Variants in SENP7 observed in about 807,000 individuals in gnomAD.
SENP7 encodes the protein sentrin-specific protease 7.
A neutral mutation model predicts 141.2 loss-of-function variants in SENP7; 64 were observed. The observed-to-expected ratio is 0.45, with a 90% CI of 0.37 to 0.56. The LOEUF (loss-of-function observed/expected upper bound fraction) is 0.56. SENP7 is among the 20% of genes least tolerant of loss of function. SENP7 has a pLI of 0.00. For synonymous variants in SENP7, 382 were observed against 426.4 expected, an observed-to-expected ratio of 0.90 and a Z score of 1.28; for missense variants, 1,025 against 1,212.2, an observed-to-expected ratio of 0.85 and a Z score of 2.29.
chr3:101,394,585 C>A (rs1374243453), intron 6 of SENP7, among the ~76,000 whole-genome samples: 1 of 151,864 alleles, frequency 6.6e-6, no homozygotes, highest in East Asian at 1.9e-4. Flanking sequence ...CAATCTCGGC[C>A]CACTGTAAGC....
rs146811113 is a variant in SENP7, at chr3:101,337,470, T to C, written c.2480+39A>G. 6.8e-5 allele frequency: 94 copies of C among 1,388,252 alleles called. 2 individuals carry two copies. In the East Asian group the frequency reaches 2.2e-3, roughly 33 times the overall value. The allele number at this position is 1,388,252 out of a possible 1,614,324, so 86.0% of individuals were successfully genotyped here. A position where few individuals can be genotyped will look rare whatever the true frequency, so the allele number is the denominator to read the frequency against. On this transcript the variant is annotated intron_variant, in intron 17 of 23. Transcript: ENST00000394095. Reference sequence around the variant, plus strand: ...ACTAGGAGCATCAAAAATAGTACATTTTCTCTTAAAACTTAAGTACATTAG... The same window carrying C: ...ACTAGGAGCATCAAAAATAGTACATCTTCTCTTAAAACTTAAGTACATTAG...
chr3:101,457,743 A>T, intron 4 of SENP7: 1 of 818,430 alleles, frequency 1.2e-6, no homozygotes, highest in Non-Finnish European at 2.0e-6. Context: ...ATCAGAGCAG[A>T]TAAGGGGCCA....
At position 101,328,662 on chromosome 3, in the gene SENP7, T is replaced by C. The variant is rs932566424; in HGVS notation, c.2779A>G (p.Lys927Glu). ...TGTACCTACCTTTTACACATTTTCT[T>C]TGGTACTGACATATTCGACTCGGTA... ...QSTESNMSVP[K>E]KMCKRPCILI... The change falls in exon 21 of 24, where the codon AAG becomes GAG. Residue 927 changes from lysine to glutamate, a missense_variant. This residue lies in a region of SENP7 where 295 missense variants were observed against 459.1 expected (regional missense o/e 0.64). Transcript: ENST00000394095. The C allele has an allele frequency of 1.9e-6, 3 of 1,609,180 alleles. No homozygotes were observed. Among genetic ancestry groups the C allele is most frequent in the Non-Finnish European group, 2.5e-6 (3 of 1,177,442 alleles).
At chr3:101,486,442 G>A (rs2064732971) in intron 3 of SENP7, among the ~76,000 whole-genome samples, 2 of 152,178 alleles carry the variant, frequency 1.3e-5, no homozygotes, top group African/African-American at 4.8e-5. Context: ...GAAGGGAATT[G>A]GGGCTATCTT....
At chr3:101,407,893 T>G (rs2061349012) in intron 5 of SENP7, among the ~76,000 whole-genome samples, 1 of 150,354 alleles carries the variant, frequency 6.7e-6, no homozygotes, top group Admixed American at 6.6e-5. Flanking sequence ...CAAGAACAAA[T>G]CAAACCCAAA....
Position 101,340,393 on chromosome 3 carries a change from G to C in SENP7, c.2241-182C>G, listed in dbSNP as rs896500944. 8.8e-6 allele frequency: 6 copies of C among 683,072 alleles called. No individual in the cohort carries two copies. In the African/African-American group the frequency reaches 1.1e-4, roughly 13 times the overall value. 42.3% of individuals were successfully genotyped at this position (683,072 alleles called of 1,614,324 possible). On this transcript the variant is annotated intron_variant, in intron 15 of 23. Coordinates refer to ENST00000394095, the MANE Select transcript of SENP7 (RefSeq NM_020654.5). ...CCTTTATCCTCACAAGCTACTAATGGTACTCCGATTGAGTATTATCTTTTC... is the reference window on the plus strand; with the variant it reads ...CCTTTATCCTCACAAGCTACTAATGCTACTCCGATTGAGTATTATCTTTTC...
At chr3:101,453,028 AAAC>A (rs2063206412) in intron 4 of SENP7, among the ~76,000 whole-genome samples, 1 of 152,188 alleles carries the variant, frequency 6.6e-6, no homozygotes, top group Non-Finnish European at 1.5e-5. Flanking sequence ...AGAAAAAAAC[AAAC>A]AACCCCATCA....
chr3:101,495,552 T>C (rs2065129275), intron 2 of SENP7, among the ~76,000 whole-genome samples: 3 of 152,178 alleles, frequency 2.0e-5, no homozygotes, highest in Admixed American at 2.0e-4. Flanking sequence ...CATATATACA[T>C]AGGATACTAT....
chr3:101,458,916 G>A (rs751258815), intron 4 of SENP7, 39 bp downstream of exon 4: 1 of 1,208,914 alleles, frequency 8.3e-7, no homozygotes, highest in East Asian at 2.3e-5. Flanking sequence ...CAACTTTATA[G>A]GTTAAGCCCA....
At chr3:101,499,027 C>T (rs2065268197) in intron 2 of SENP7, among the ~76,000 whole-genome samples, 1 of 152,068 alleles carries the variant, frequency 6.6e-6, no homozygotes, top group Non-Finnish European at 1.5e-5. Flanking sequence ...AATATAAATT[C>T]CTTGTTTTTT....
chr3:101,408,386 A>G (rs76938300), intron 5 of SENP7, among the ~76,000 whole-genome samples: 2,166 of 152,302 alleles, frequency 0.014, 57 homozygotes, highest in African/African-American at 0.048. Flanking sequence ...TCCTATTGAC[A>G]CTATTCGACA....
rs370630117 is a variant in SENP7 at position 101,417,597 on chromosome 3, C to T, written c.478G>A (p.Glu160Lys). ...AATCAATACTGAACAACATACCTTT[C>T]AGATAAATTAAGGCTTTGGCGAAGA... Reference protein sequence around the residue: ...EPLRQSLNLSERIPRVILTNV... With the variant: ...EPLRQSLNLSKRIPRVILTNV... The change falls in exon 5 of 24, where the codon GAA (glutamate) becomes AAA (lysine). Residue 160 changes from glutamate to lysine, a missense_variant. Around this residue, in one of 4 missense-constraint regions of SENP7, gnomAD observed 496 missense variants for 503.5 expected, o/e 0.99. Coordinates refer to ENST00000394095, the MANE Select transcript of SENP7 (RefSeq NM_020654.5). 11 of 1,610,774 alleles carry T rather than the reference C, an allele frequency of 6.8e-6. No homozygotes were observed. The South Asian group carries it at 1.1e-4, about 16-fold the overall frequency.
At chr3:101,459,496 G>A (rs2063479015) in intron 3 of SENP7, among the ~76,000 whole-genome samples, 1 of 152,134 alleles carries the variant, frequency 6.6e-6, no homozygotes, top group Non-Finnish European at 1.5e-5. Context: ...ACAGAGTTTA[G>A]ATTAAATATG....
At chr3:101,431,508 C>CTTTTTTTTTTT (rs56937965) in intron 4 of SENP7, among the ~76,000 whole-genome samples, 11 of 82,902 alleles carry the variant, frequency 1.3e-4, no homozygotes, top group Admixed American at 1.5e-4. Context: ...GCAACCCCTG[C>CTTTTTTTTTTT]TTTTTTTTTT....
chr3:101,326,177 T>G (rs2058894071), intron 23 of SENP7, 97 bp from the exon 24 acceptor site: 2 of 976,912 alleles, frequency 2.0e-6, no homozygotes, highest in Non-Finnish European at 2.9e-6. Context: ...TGCTAACTTT[T>G]TTAAAATAAC....
intron 3 of SENP7, among the ~76,000 whole-genome samples, chr3:101,491,852 G>T (rs1393726441): frequency 6.6e-6 from 1 of 152,214 alleles, no homozygotes; most frequent in African/African-American, 2.4e-5. Context: ...AGCACTTTGG[G>T]AGGCCAAGGC....
intron 13 of SENP7, among the ~76,000 whole-genome samples, chr3:101,344,802 G>T (rs2059412557): frequency 6.6e-6 from 1 of 151,910 alleles, no homozygotes; most frequent in South Asian, 2.1e-4. Flanking sequence ...TAACTTTGCT[G>T]CAAATTCTGT....
At chr3:101,491,217 G>A (rs2064956459) in intron 3 of SENP7, among the ~76,000 whole-genome samples, 1 of 151,322 alleles carries the variant, frequency 6.6e-6, no homozygotes, top group Non-Finnish European at 1.5e-5. Context: ...TGAACTCCTG[G>A]GCTCAAAGGA....
chr3:101,390,667 C>T (rs537153251), intron 6 of SENP7, among the ~76,000 whole-genome samples: 24 of 152,254 alleles, frequency 1.6e-4, no homozygotes, highest in African/African-American at 5.8e-4. Context: ...GATTTCAACA[C>T]CCTACTCTCA....
Sources: allele counts gnomAD v4.1 joint callset (sites outside exome capture counted in the v4.1 genomes callset), GRCh38; gene constraint gnomAD v4.1.1; regional missense constraint gnomAD v4.1.1; transcripts MANE v1.5; gene names NCBI Gene and HGNC (gene_info 2026-07-23, HGNC 2026-07-21).